The following UBE2E3 variants were observed in gnomAD, a reference collection of about 807,000 sequenced individuals.
The protein encoded by UBE2E3 is ubiquitin conjugating enzyme E2 E3.
UBE2E3 carries 5 observed loss-of-function variants against 23.6 expected under a neutral mutation model. The observed-to-expected ratio is 0.21, with a 90% CI of 0.11 to 0.44. The LOEUF (loss-of-function observed/expected upper bound fraction) is 0.44. UBE2E3 is among the 20% of genes least tolerant of loss of function. UBE2E3 has a pLI of 0.99. For synonymous variants in UBE2E3, 78 were observed against 87.5 expected (o/e 0.89, Z 0.60); for missense variants, 81 against 249.8 (o/e 0.32, Z 4.55).
At chr2:181,037,079 G>C (rs181530640) in intron 3 of UBE2E3, among the ~76,000 whole-genome samples, 2 of 152,194 alleles carry the variant, frequency 1.3e-5, no homozygotes, top group Non-Finnish European at 2.9e-5. Context: ...AGAAGATTAT[G>C]ATAGAGCTGA....
chr2:181,050,255 C>T (rs2105472507), intron 3 of UBE2E3, among the ~76,000 whole-genome samples: 1 of 151,950 alleles, frequency 6.6e-6, no homozygotes, highest in Non-Finnish European at 1.5e-5. Flanking sequence ...ATGCAAATGG[C>T]CATATTTGTT....
chr2:181,025,575 A>G (rs958256356), intron 3 of UBE2E3, among the ~76,000 whole-genome samples: 10 of 151,922 alleles, frequency 6.6e-5, no homozygotes, highest in African/African-American at 2.4e-4. Context: ...AATACCACAT[A>G]TTAATTTTTT....
chr2:181,060,636 C>T (rs1216994480), intron 4 of UBE2E3, 29 bp from the exon 5 acceptor site: 2 of 1,546,378 alleles, frequency 1.3e-6, no homozygotes, highest in Non-Finnish European at 1.7e-6. Context: ...CATTCATTTT[C>T]CTTCTGTTTT....
intron 3 of UBE2E3, among the ~76,000 whole-genome samples, chr2:181,055,424 G>T (rs1018984222): frequency 6.6e-6 from 1 of 151,588 alleles, no homozygotes; most frequent in African/African-American, 2.4e-5. Flanking sequence ...CCCTGCAACT[G>T]CTCATGTCCC....
At chr2:181,060,998 T>C (rs1333972976) in intron 5 of UBE2E3, among the ~76,000 whole-genome samples, 186 bp downstream of exon 5, 1 of 151,022 alleles carries the variant, frequency 6.6e-6, no homozygotes, top group Non-Finnish European at 1.5e-5. Flanking sequence ...AGGCCAAAAG[T>C]TTCTCAATAC....
At chr2:180,992,452 AGGC>A (rs1684689741) in intron 3 of UBE2E3, among the ~76,000 whole-genome samples, 1 of 152,252 alleles carries the variant, frequency 6.6e-6, no homozygotes. Context: ...CAAACCTAGA[AGGC>A]TCAGTGGCTC....
chr2:181,015,629 T>C (rs1030324956), intron 3 of UBE2E3, among the ~76,000 whole-genome samples: 6 of 152,160 alleles, frequency 3.9e-5, no homozygotes, highest in African/African-American at 1.4e-4. Context: ...TTAAATTTTT[T>C]ATAATAACAG....
At chr2:181,019,294 A>C (rs937215373) in intron 3 of UBE2E3, among the ~76,000 whole-genome samples, 1 of 152,206 alleles carries the variant, frequency 6.6e-6, no homozygotes, top group Non-Finnish European at 1.5e-5. Context: ...GGGTCCCTGA[A>C]ATTCTTAGTT....
At position 181,057,682 on chromosome 2, in the gene UBE2E3, C is replaced by A. The variant is rs374416723; in HGVS notation, c.246-11C>A. 6.1e-5 allele frequency: 97 copies of A among 1,598,768 alleles called. No individual in the cohort carries two copies. The highest frequency in any genetic ancestry group is 8.0e-5 in the Non-Finnish European group (94 of 1,170,882). On this transcript the variant is annotated splice_polypyrimidine_tract_variant and intron_variant, in intron 3 of 5. Coordinates refer to ENST00000410062, the MANE Select transcript of UBE2E3 (RefSeq NM_006357.4). The stretch of plus-strand genomic sequence containing the variant: ...ATATGTACATACTGATTTTTAATTT[C>A]TTTTAAATAGTGCTGGGCCTAAAGG...
At chr2:181,004,264 G>T (rs967657669) in intron 3 of UBE2E3, among the ~76,000 whole-genome samples, 15 of 152,130 alleles carry the variant, frequency 9.9e-5, no homozygotes, top group Admixed American at 9.8e-4. Context: ...AGTTCTAGTT[G>T]TAAAACTTGA....
intron 3 of UBE2E3, among the ~76,000 whole-genome samples, chr2:181,046,360 C>T (rs1329976566): frequency 2.6e-5 from 4 of 152,082 alleles, no homozygotes; most frequent in African/African-American, 9.7e-5. Flanking sequence ...TCCATACCTG[C>T]CCTCGTATAT....
intron 3 of UBE2E3, among the ~76,000 whole-genome samples, chr2:181,020,072 T>C (rs746809455): frequency 3.3e-5 from 5 of 152,174 alleles, no homozygotes; most frequent in South Asian, 4.1e-4. Flanking sequence ...GTATTTCTTA[T>C]CTGTTTTTGT....
At chr2:181,029,839 CTT>C (rs546001645) in intron 3 of UBE2E3, among the ~76,000 whole-genome samples, 38 of 131,906 alleles carry the variant, frequency 2.9e-4, no homozygotes, top group Middle Eastern at 7.9e-3. Context: ...AATTCGGTCC[CTT>C]TTTTTTTTTT....
chr2:181,017,524 G>A (rs566646034), intron 3 of UBE2E3, among the ~76,000 whole-genome samples: 2 of 152,052 alleles, frequency 1.3e-5, no homozygotes, highest in South Asian at 2.1e-4. Flanking sequence ...GGAAGACAGC[G>A]TGTATGTGTA....
At chr2:180,990,047 A>G in intron 3 of UBE2E3, 1 of 1,396,848 alleles carries the variant, frequency 7.2e-7, no homozygotes, top group Non-Finnish European at 9.7e-7. Flanking sequence ...ACCAATTTTG[A>G]CAGGTAAGTA....
chr2:180,983,380 C>G (rs1574151398), intron 2 of UBE2E3, among the ~76,000 whole-genome samples: 1 of 152,304 alleles, frequency 6.6e-6, no homozygotes, highest in African/African-American at 2.4e-5. Flanking sequence ...TTGAAATCAT[C>G]TTAAATTTGA....
intron 3 of UBE2E3, among the ~76,000 whole-genome samples, chr2:181,046,666 G>C (rs1348877623): frequency 1.3e-5 from 2 of 152,030 alleles, no homozygotes; most frequent in African/African-American, 4.8e-5. Flanking sequence ...ACCTAAGAAG[G>C]GTTAAGTAAT....
rs1315154648 is a variant in UBE2E3, at chr2:180,983,972, G to A, written c.195-71G>A. The A allele has an allele frequency of 4.8e-6, 6 of 1,239,130 alleles. 1 individual carries two copies. The Admixed American group carries it at 9.3e-5, about 19-fold the overall frequency. The allele number at this position is 1,239,130 out of a possible 1,614,324, so 76.8% of individuals were successfully genotyped here. ...TGCATTTAACTGCATGGTGGTAGAG[G>A]GCAGTGTAATTCCCTGGTTATTCTG... On this transcript the variant is annotated intron_variant, in intron 2 of 5. Coordinates refer to ENST00000410062, the MANE Select transcript of UBE2E3 (RefSeq NM_006357.4).
At chr2:181,052,386 C>A (rs939032482) in intron 3 of UBE2E3, among the ~76,000 whole-genome samples, 2 of 151,782 alleles carry the variant, frequency 1.3e-5, no homozygotes, top group African/African-American at 4.8e-5. Flanking sequence ...AACTAAAACC[C>A]ATGGCTTTAG....
Sources: allele counts gnomAD v4.1 joint callset (sites outside exome capture counted in the v4.1 genomes callset), GRCh38; gene constraint gnomAD v4.1.1; transcripts MANE v1.5; gene names NCBI Gene and HGNC (gene_info 2026-07-23, HGNC 2026-07-21).